KLHL6: variants seen among roughly 807,000 people sequenced by gnomAD.
KLHL6 encodes kelch like family member 6.
In KLHL6, 41 loss-of-function variants were observed where a neutral mutation model predicts 58.6. The ratio of observed to expected loss-of-function variants is 0.70; its 90% CI spans 0.55 to 0.91. The LOEUF is 0.91. KLHL6 is among the 40% of genes least tolerant of loss of function. The pLI, the probability that KLHL6 is intolerant of heterozygous loss-of-function variation, is 0.00. For missense variants in KLHL6, 714 were observed against 805.6 expected (o/e 0.89, Z 1.38); for synonymous variants, 338 against 322.7 (o/e 1.05, Z -0.51).
chr3:183,533,134 G>A (rs1301486571), intron 1 of KLHL6, among the ~76,000 whole-genome samples: 1 of 152,122 alleles, frequency 6.6e-6, no homozygotes, highest in Non-Finnish European at 1.5e-5. Flanking sequence ...TGGAGCTCTG[G>A]TGATGTAATT....
At chr3:183,501,759 T>G (rs1399965601) in intron 3 of KLHL6, among the ~76,000 whole-genome samples, 1 of 152,164 alleles carries the variant, frequency 6.6e-6, no homozygotes, top group African/African-American at 2.4e-5. Context: ...CCCAATCCAC[T>G]TACCCTTTAA....
Position 183,527,873 on chromosome 3 carries a change from C to T in KLHL6, c.431G>A (p.Arg144Gln), listed in dbSNP as rs1287930990. Residue 144 changes from arginine (R) to glutamine (Q), a missense_variant, in exon 2 of 7, where the codon CGG becomes CAG. Arg to Gln is a conservative substitution (Grantham distance 43). Coordinates refer to ENST00000341319, the MANE Select transcript of KLHL6 (RefSeq NM_130446.4). Reference protein sequence around the residue: ...KALITKQNVQRVLEAANLFQF... With the variant: ...KALITKQNVQQVLEAANLFQF... ...GAAGAGGTTAGCAGCCTCCAGGACC[C>T]GCTGGACATTCTGCTTGGTGATCAG... 7 of 1,613,882 alleles carry T rather than the reference C, an allele frequency of 4.3e-6. No individual in the cohort carries two copies. The highest frequency in any genetic ancestry group is 3.3e-5 in the South Asian group (3 of 91,070).
chr3:183,555,279 T>G (rs1577209265), intron 1 of KLHL6, 82 bp downstream of exon 1: 1 of 1,136,598 alleles, frequency 8.8e-7, no homozygotes, highest in East Asian at 2.3e-5. Context: ...CATGGCCAAC[T>G]GTTCAAGATT....
chr3:183,531,026 G>A (rs1455653472), intron 1 of KLHL6, among the ~76,000 whole-genome samples: 4 of 151,802 alleles, frequency 2.6e-5, no homozygotes, highest in Non-Finnish European at 5.9e-5. Flanking sequence ...GAGATGGGGG[G>A]TTTCGCCATG....
At chr3:183,549,699 G>T (rs1449643900) in intron 1 of KLHL6, among the ~76,000 whole-genome samples, 1 of 152,160 alleles carries the variant, frequency 6.6e-6, no homozygotes, top group Non-Finnish European at 1.5e-5. Flanking sequence ...TAGTAGAGAT[G>T]GGGTTTCACC....
chr3:183,513,982 G>A (rs531243461), intron 2 of KLHL6, among the ~76,000 whole-genome samples: 1 of 152,224 alleles, frequency 6.6e-6, no homozygotes, highest in South Asian at 2.1e-4. Context: ...TTGGTTTTCT[G>A]TTCCTGTGTT....
At chr3:183,496,254 C>T (rs1352022574) in intron 4 of KLHL6, among the ~76,000 whole-genome samples, 5 of 151,992 alleles carry the variant, frequency 3.3e-5, no homozygotes, top group Non-Finnish European at 7.4e-5. Flanking sequence ...AGAGTATGAA[C>T]AGATAATTTT....
intron 1 of KLHL6, among the ~76,000 whole-genome samples, chr3:183,539,165 A>T (rs1265375136): frequency 6.6e-6 from 1 of 152,192 alleles, no homozygotes; most frequent in African/African-American, 2.4e-5. Flanking sequence ...AGACTGAATG[A>T]AGATCAAGGT....
At chr3:183,526,821 G>C (rs754836404) in intron 2 of KLHL6, among the ~76,000 whole-genome samples, 1 of 152,152 alleles carries the variant, frequency 6.6e-6, no homozygotes, top group African/African-American at 2.4e-5. Context: ...AAAGTTGGCT[G>C]GGCACGATGG....
chr3:183,512,617 A>G (rs1372425632), intron 2 of KLHL6, among the ~76,000 whole-genome samples: 4 of 151,718 alleles, frequency 2.6e-5, no homozygotes, highest in Non-Finnish European at 4.4e-5. Flanking sequence ...TCAGCCTCCC[A>G]AGTAGCTGGG....
At chr3:183,525,956 G>C (rs925667199) in intron 2 of KLHL6, among the ~76,000 whole-genome samples, 3 of 152,354 alleles carry the variant, frequency 2.0e-5, no homozygotes, top group African/African-American at 7.2e-5. Context: ...CAGTGTCACT[G>C]CTTCCCTTCC....
chr3:183,548,348 G>A (rs1342359548), intron 1 of KLHL6, among the ~76,000 whole-genome samples: 3 of 152,164 alleles, frequency 2.0e-5, no homozygotes, highest in African/African-American at 7.2e-5. Flanking sequence ...GATGAGGGGA[G>A]GGGTTATCAG....
chr3:183,504,725 T>G (rs1052194480), intron 3 of KLHL6, among the ~76,000 whole-genome samples: 30 of 152,226 alleles, frequency 2.0e-4, no homozygotes, highest in African/African-American at 7.2e-4. Flanking sequence ...AGGTTCAGCA[T>G]GTGCAGATTT....
chr3:183,490,341 C>T lies in KLHL6; in HGVS notation c.*1586G>A, dbSNP rs1717508969. On this transcript the variant is annotated 3_prime_UTR_variant, in exon 7 of 7. Coordinates refer to ENST00000341319, the MANE Select transcript of KLHL6 (RefSeq NM_130446.4). ...GTCGCTCCTGTGTAGGCCAGCTGTGCTCAGGTGTTTACTTTTTTAATAAAA... is the reference window on the plus strand; with the variant it reads ...GTCGCTCCTGTGTAGGCCAGCTGTGTTCAGGTGTTTACTTTTTTAATAAAA... 1 of 152,106 alleles carries T rather than the reference C, an allele frequency of 6.6e-6. No individual in the cohort carries two copies. Among genetic ancestry groups the T allele is most frequent in the African/African-American group, 2.4e-5 (1 of 41,416 alleles). 9.4% of individuals were successfully genotyped at this position (152,106 alleles called of 1,614,324 possible). A position where few individuals can be genotyped will look rare whatever the true frequency, so the allele number is the denominator to read the frequency against.
intron 1 of KLHL6, among the ~76,000 whole-genome samples, chr3:183,537,800 T>C (rs1712414590): frequency 1.3e-5 from 2 of 152,114 alleles, no homozygotes; most frequent in African/African-American, 4.8e-5. Flanking sequence ...AAATCGCCAC[T>C]CCCTCACCTC....
chr3:183,547,004 C>T (rs139055037), intron 1 of KLHL6, among the ~76,000 whole-genome samples: 50 of 152,010 alleles, frequency 3.3e-4, no homozygotes, highest in African/African-American at 1.1e-3. Context: ...CTCCGCCGTC[C>T]GGGTTCAATC....
chr3:183,504,654 T>C, intron 3 of KLHL6, among the ~76,000 whole-genome samples: 1 of 152,194 alleles, frequency 6.6e-6, no homozygotes, highest in African/African-American at 2.4e-5. Context: ...ATTGGAAGTA[T>C]AGTTGATCAA....
intron 1 of KLHL6, among the ~76,000 whole-genome samples, chr3:183,546,055 C>A (rs971122958): frequency 1.3e-5 from 2 of 152,202 alleles, no homozygotes; most frequent in Non-Finnish European, 2.9e-5. Context: ...TGGTCACTGC[C>A]TTCACATGGC....
rs1290603901 is a variant in KLHL6 at position 183,492,442 on chromosome 3, A to T, written c.1564+52T>A. 7 of 1,585,826 alleles carry T rather than the reference A, an allele frequency of 4.4e-6. No homozygotes were observed. The highest frequency in any genetic ancestry group is 6.1e-6 in the Non-Finnish European group (7 of 1,155,166). Reference sequence around the variant, plus strand: ...GACACACCGTTTACGTGCTGCAGCCAGGCGCTCATCAGGTTCTAAGCCATT... The same window carrying T: ...GACACACCGTTTACGTGCTGCAGCCTGGCGCTCATCAGGTTCTAAGCCATT... On this transcript the variant is annotated intron_variant, in intron 6 of 6. Coordinates refer to ENST00000341319, the MANE Select transcript of KLHL6 (RefSeq NM_130446.4). The surrounding 1 kb of genome is among the most constrained non-coding windows in gnomAD (Gnocchi z 5.9).
Sources: gnomAD v4.1 joint callset for allele counts (sites outside exome capture counted in the v4.1 genomes callset) on GRCh38, gnomAD v4.1.1 for gene constraint, Gnocchi (gnomAD v3.1) non-coding constraint, MANE v1.5 for transcripts, NCBI Gene and HGNC (gene_info 2026-07-23, HGNC 2026-07-21) for gene names.